TAFA5: variants seen among roughly 807,000 people sequenced by gnomAD.
The protein encoded by TAFA5 is TAFA chemokine like family member 5, also known as chemokine-like protein TAFA-5.
In TAFA5, 6 loss-of-function variants were observed where a neutral mutation model predicts 15.3. That is an observed-to-expected ratio of 0.39 (90% CI 0.21 to 0.77). TAFA5 has a LOEUF of 0.77. TAFA5 is among the 30% of genes least tolerant of loss of function. The pLI is 0.41. For missense variants in TAFA5, 161 were observed against 193.1 expected, an observed-to-expected ratio of 0.83 and a Z score of 0.98; for synonymous variants, 103 against 80.7, an observed-to-expected ratio of 1.28 and a Z score of -1.48.
At chr22:48,693,517 A>C in intron 2 of TAFA5, 2 of 1,500,496 alleles carry the variant, frequency 1.3e-6, no homozygotes, top group Non-Finnish European at 1.8e-6. Context: ...GGAGACCAGC[A>C]GGTGAGGCCC....
intron 1 of TAFA5, chr22:48,576,297 C>T (rs1014041440): frequency 8.6e-7 from 1 of 1,156,754 alleles, no homozygotes; most frequent in Non-Finnish European, 1.1e-6. Context: ...TCCCCTCCCC[C>T]CTGCCCAGAA....
At position 48,533,166 on chromosome 22, in the gene TAFA5, G is replaced by A. The variant is rs959797905; in HGVS notation, c.112+43462G>A. Among the ~76,000 whole-genome samples, 3 of 152,178 alleles carry A rather than the reference G, an allele frequency of 2.0e-5. No individual in the cohort carries two copies. The East Asian group carries it at 5.8e-4, about 29-fold the overall frequency. On this transcript the variant is annotated intron_variant, in intron 1 of 3. Transcript: ENST00000402357. ...TGCCGCCCAGCCTGATGGAGTGGCCGGGGTCTGAGGAGGTGGCCCTGAGGA... is the reference window on the plus strand; with the variant it reads ...TGCCGCCCAGCCTGATGGAGTGGCCAGGGTCTGAGGAGGTGGCCCTGAGGA...
intron 1 of TAFA5, among the ~76,000 whole-genome samples, chr22:48,622,777 C>T (rs1925886629): frequency 6.6e-6 from 1 of 152,236 alleles, no homozygotes. Context: ...CCGCCTCTGC[C>T]AGCAGACAGG....
intron 1 of TAFA5, among the ~76,000 whole-genome samples, chr22:48,632,754 GGA>G (rs1028569823): frequency 2.0e-5 from 3 of 152,184 alleles, no homozygotes; most frequent in Middle Eastern, 3.2e-3. Flanking sequence ...CTCCTGACGG[GGA>G]GCAGCAGAGG....
chr22:48,549,070 C>T (rs1291842383), intron 1 of TAFA5, among the ~76,000 whole-genome samples: 1 of 152,234 alleles, frequency 6.6e-6, no homozygotes, highest in Non-Finnish European at 1.5e-5. Context: ...GACACAGTTT[C>T]ATCATACATT....
intron 1 of TAFA5, among the ~76,000 whole-genome samples, chr22:48,595,453 A>T (rs1199410732): frequency 6.6e-6 from 1 of 152,212 alleles, no homozygotes. Flanking sequence ...GGAAGTGGCC[A>T]TGTGTGTTAG....
chr22:48,648,030 T>C (rs1367645587), intron 2 of TAFA5, among the ~76,000 whole-genome samples: 4 of 151,682 alleles, frequency 2.6e-5, no homozygotes, highest in African/African-American at 9.7e-5. Context: ...GCAGGTGGAG[T>C]AGGGCCGAGG....
At chr22:48,519,615 G>GC (rs1983221565) in intron 1 of TAFA5, among the ~76,000 whole-genome samples, 1 of 152,204 alleles carries the variant, frequency 6.6e-6, no homozygotes, top group South Asian at 2.1e-4. Flanking sequence ...GCGGGGACAG[G>GC]CGGGAGGCCT....
chr22:48,649,056 A>T (rs1174430270), intron 2 of TAFA5, among the ~76,000 whole-genome samples: 1 of 152,142 alleles, frequency 6.6e-6, no homozygotes, highest in African/African-American at 2.4e-5. Context: ...AGTCTGCCCC[A>T]GGGCCCACTA....
At position 48,743,359 on chromosome 22, in the gene TAFA5, C is replaced by G. The variant is rs568940723; in HGVS notation, c.391-6480C>G. 5.1e-4 allele frequency among the ~76,000 whole-genome samples: 77 copies of G among 152,350 alleles called. No homozygotes were observed. In the South Asian group the frequency reaches 0.016, roughly 31 times the overall value. ...GCCTCTGTCTCTGTCTGCATGGGGC[C>G]TGCTGCTCTGTGTGTTTGCCCTGAG... On this transcript the variant is annotated intron_variant, in intron 3 of 3. Coordinates refer to ENST00000402357, the MANE Select transcript of TAFA5 (RefSeq NM_001082967.3).
At chr22:48,529,884 A>T (rs1341253915) in intron 1 of TAFA5, among the ~76,000 whole-genome samples, 1 of 152,036 alleles carries the variant, frequency 6.6e-6, no homozygotes, top group Non-Finnish European at 1.5e-5. Context: ...GCACATGTGG[A>T]GGAAAACTCT....
At chr22:48,621,447 A>G (rs1925834818) in intron 1 of TAFA5, among the ~76,000 whole-genome samples, 1 of 151,730 alleles carries the variant, frequency 6.6e-6, no homozygotes, top group African/African-American at 2.4e-5. Flanking sequence ...TGGCACAGGA[A>G]CCCCCATGCC....
At chr22:48,516,658 T>C (rs1443434245) in intron 1 of TAFA5, among the ~76,000 whole-genome samples, 1 of 152,216 alleles carries the variant, frequency 6.6e-6, no homozygotes, top group Non-Finnish European at 1.5e-5. Context: ...CCATTGTGTC[T>C]GGGCTCGGGT....
chr22:48,710,167 A>G (rs1260998918), intron 3 of TAFA5, among the ~76,000 whole-genome samples: 2 of 152,084 alleles, frequency 1.3e-5, no homozygotes, highest in African/African-American at 2.4e-5. Flanking sequence ...GCTCCTGCCC[A>G]GGGTTACCGT....
chr22:48,622,643 A>G (rs1183330388), intron 1 of TAFA5, among the ~76,000 whole-genome samples: 1 of 152,192 alleles, frequency 6.6e-6, no homozygotes, highest in Non-Finnish European at 1.5e-5. Context: ...CCATGGAGGG[A>G]GTCCTTGTCA....
At chr22:48,632,568 G>A (rs183302322) in intron 1 of TAFA5, among the ~76,000 whole-genome samples, 5 of 151,490 alleles carry the variant, frequency 3.3e-5, no homozygotes, top group African/African-American at 4.9e-5. Flanking sequence ...GAAACAAGAC[G>A]CACAGAACGT....
At chr22:48,671,897 G>A (rs1281150811) in intron 2 of TAFA5, among the ~76,000 whole-genome samples, 1 of 152,298 alleles carries the variant, frequency 6.6e-6, no homozygotes, top group East Asian at 1.9e-4. Flanking sequence ...TCTGATGAGT[G>A]GGGAGTAAGC....
intron 2 of TAFA5, among the ~76,000 whole-genome samples, chr22:48,684,477 C>T (rs570543104): frequency 6.6e-6 from 1 of 152,280 alleles, no homozygotes; most frequent in Non-Finnish European, 1.5e-5. Context: ...TCTAGAAGTA[C>T]AGTGACCCTT....
intron 3 of TAFA5, among the ~76,000 whole-genome samples, chr22:48,740,710 C>T (rs1030101611): frequency 1.4e-4 from 22 of 152,316 alleles, no homozygotes; most frequent in African/African-American, 5.1e-4. Flanking sequence ...GATTCACACA[C>T]GAGAGCCCAG....
Sources: gnomAD v4.1 joint callset for allele counts (sites outside exome capture counted in the v4.1 genomes callset) on GRCh38, gnomAD v4.1.1 for gene constraint, MANE v1.5 for transcripts, NCBI Gene and HGNC (gene_info 2026-07-23, HGNC 2026-07-21) for gene names.